ELOA: variants seen among roughly 807,000 people sequenced by gnomAD.
ELOA encodes the protein elongin-A.
In ELOA, 15 loss-of-function variants were observed where a neutral mutation model predicts 85.2. That is an observed-to-expected ratio of 0.18 (90% CI 0.12 to 0.27). The LOEUF is 0.27. Ranked by LOEUF, ELOA falls within the 10% of genes least tolerant of loss-of-function variation. ELOA has a pLI of 1.00. For missense variants in ELOA, 769 were observed against 952.7 expected, an observed-to-expected ratio of 0.81 and a Z score of 2.54; for synonymous variants, 348 against 357.2, an observed-to-expected ratio of 0.97 and a Z score of 0.29.
chr1:23,751,954 C>G lies in ELOA; in HGVS notation c.1349C>G (p.Ser450Ter). ...AAAAGCACTGGTAAAAACTTGGACT[C>G]AGTTCAGAAATTACCCAAGGTGAAC... is the stretch of plus-strand genomic sequence containing the variant. ...DSKSTGKNLD[S>*]VQKLPKVNKT... Residue 450 changes from serine (S) to a stop codon, truncating the protein, a stop_gained, in exon 4 of 11, where the codon TCA becomes TGA. Coordinates refer to ENST00000613537, the MANE Select transcript of ELOA (RefSeq NM_003198.3). LOFTEE classifies it high-confidence loss of function. The G allele has an allele frequency of 6.2e-7, 1 of 1,613,174 alleles. No individual in the cohort carries two copies. Among genetic ancestry groups the G allele is most frequent in the Non-Finnish European group, 8.5e-7 (1 of 1,179,830 alleles).
rs143191271 is a variant in ELOA at position 23,748,127 on chromosome 1, G to C, written c.76-894G>C. Among the ~76,000 whole-genome samples, 171 of 152,316 alleles carry C rather than the reference G, an allele frequency of 1.1e-3. 1 individual carries two copies. Among genetic ancestry groups the C allele is most frequent in the African/African-American group, 3.3e-3 (138 of 41,568 alleles). On this transcript the variant is annotated intron_variant, in intron 1 of 10. Transcript: ENST00000613537. ...AAGGGCAGAACGCTGAAAGCTGTCA[G>C]TCGATGAATGAAATGATAAGTATTT...
Position 23,751,156 on chromosome 1 carries a change from C to T in ELOA, c.551C>T (p.Thr184Ile). The change falls in exon 4 of 11, where the codon ACC (threonine) becomes ATC (isoleucine). Residue 184 changes from threonine (T) to isoleucine (I), a missense_variant. Thr to Ile is a moderately conservative substitution (Grantham distance 89). Coordinates refer to ENST00000613537, the MANE Select transcript of ELOA (RefSeq NM_003198.3). ...CATGTTCAATCCCCTCCATCTTGTACCAGTCCTCATCAGATGTACGTCGAC... is the reference window on the plus strand; with the variant it reads ...CATGTTCAATCCCCTCCATCTTGTATCAGTCCTCATCAGATGTACGTCGAC... Reference protein sequence around the residue: ...YGHVQSPPSCTSPHQMYVDHY... With the variant: ...YGHVQSPPSCISPHQMYVDHY... 1 of 1,614,124 alleles carries T rather than the reference C, an allele frequency of 6.2e-7. No individual in the cohort carries two copies. The highest frequency in any genetic ancestry group is 8.5e-7 in the Non-Finnish European group (1 of 1,180,038).
intron 1 of ELOA, 32 bp downstream of exon 1, chr1:23,743,610 G>A: frequency 6.8e-7 from 1 of 1,465,134 alleles, no homozygotes; most frequent in Non-Finnish European, 9.0e-7. Context: ...AGCGGGATGG[G>A]CGTTGGGTCG....
Position 23,759,799 on chromosome 1 carries a change from C to T in ELOA, c.*226C>T. The T allele has an allele frequency of 3.6e-6, 2 of 550,728 alleles. No homozygotes were observed. The highest frequency in any genetic ancestry group is 6.5e-6 in the Non-Finnish European group (2 of 308,902). 34.1% of individuals were successfully genotyped at this position (550,728 alleles called of 1,614,324 possible). A position where few individuals can be genotyped will look rare whatever the true frequency, so the allele number is the denominator to read the frequency against. ...CTGAAGATGTGAAGCCTCTGTCTCA[C>T]TGAGGATTTTAAAGGTCAATTATAC... On this transcript the variant is annotated 3_prime_UTR_variant, in exon 11 of 11. Coordinates refer to ENST00000613537, the MANE Select transcript of ELOA (RefSeq NM_003198.3).
intron 10 of ELOA, among the ~76,000 whole-genome samples, chr1:23,757,735 G>A (rs940129126): frequency 4.0e-5 from 6 of 151,136 alleles, no homozygotes; most frequent in East Asian, 1.9e-4. Flanking sequence ...TCCTGACCTC[G>A]CGATCTGCCC....
intron 10 of ELOA, among the ~76,000 whole-genome samples, chr1:23,757,790 G>A (rs1012898606): frequency 5.4e-5 from 8 of 149,476 alleles, no homozygotes; most frequent in Non-Finnish European, 1.2e-4. Flanking sequence ...GAGCCACTGT[G>A]CCCGGCCGAC....
At chr1:23,748,392 C>T (rs1033575624) in intron 1 of ELOA, among the ~76,000 whole-genome samples, 24 of 152,262 alleles carry the variant, frequency 1.6e-4, no homozygotes, top group African/African-American at 5.5e-4. Flanking sequence ...TGATTTTGAC[C>T]TAGTTTTAGG....
At chr1:23,754,541 G>A (rs956750416) in intron 7 of ELOA, 81 bp downstream of exon 7, 35 of 1,099,932 alleles carry the variant, frequency 3.2e-5, no homozygotes, top group Middle Eastern at 2.5e-4. Context: ...TGACTCCGCT[G>A]TGGCTGAAGG....
At chr1:23,750,095 A>G in intron 3 of ELOA, 147 bp downstream of exon 3, 2 of 550,338 alleles carry the variant, frequency 3.6e-6, no homozygotes, top group Non-Finnish European at 6.0e-6. Flanking sequence ...AATATTAGAA[A>G]ATATTAAAAA....
intron 10 of ELOA, among the ~76,000 whole-genome samples, chr1:23,758,976 G>A (rs553857295): frequency 6.6e-6 from 1 of 152,262 alleles, no homozygotes; most frequent in South Asian, 2.1e-4. Context: ...GGAGGCTGGG[G>A]TAGGAGGGTG....
At chr1:23,746,333 C>T (rs1295639213) in intron 1 of ELOA, among the ~76,000 whole-genome samples, 5 of 141,394 alleles carry the variant, frequency 3.5e-5, no homozygotes, top group Admixed American at 2.2e-4. Flanking sequence ...GTTGGCCGGG[C>T]GCAGTGGCTC....
At chr1:23,750,780 C>A in intron 3 of ELOA, 65 bp from the exon 4 acceptor site, 1 of 1,436,490 alleles carries the variant, frequency 7.0e-7, no homozygotes, top group Non-Finnish European at 9.3e-7. Context: ...AGTTCAGATT[C>A]TGTGACTTTG....
chr1:23,752,579 G>C (rs531946288), intron 5 of ELOA, 61 bp downstream of exon 5: 31 of 1,492,170 alleles, frequency 2.1e-5, no homozygotes, highest in Non-Finnish European at 2.7e-5. Context: ...ATTCAAGGCA[G>C]GGTACAGTGG....
intron 10 of ELOA, among the ~76,000 whole-genome samples, chr1:23,757,529 C>A (rs376527645): frequency 6.6e-6 from 1 of 152,138 alleles, no homozygotes; most frequent in African/African-American, 2.4e-5. Flanking sequence ...GATGGAGTCT[C>A]GCTCTGTCAC....
At chr1:23,757,894 A>C (rs941998408) in intron 10 of ELOA, among the ~76,000 whole-genome samples, 1 of 151,886 alleles carries the variant, frequency 6.6e-6, no homozygotes, top group Non-Finnish European at 1.5e-5. Flanking sequence ...TAGAAAAATT[A>C]GCCCACCATG....
Position 23,755,829 on chromosome 1 carries a change from G to C in ELOA, c.1792-14G>C. On this transcript the variant is annotated splice_polypyrimidine_tract_variant and intron_variant, in intron 7 of 10. Coordinates refer to ENST00000613537, the MANE Select transcript of ELOA (RefSeq NM_003198.3). Reference sequence around the variant, plus strand: ...AGTGCTTGTACACAAATGATGTCCTGGTTCTGGTTTCAGGTATTAATTGAA... The same window carrying C: ...AGTGCTTGTACACAAATGATGTCCTCGTTCTGGTTTCAGGTATTAATTGAA... 2 of 1,583,420 alleles carry C rather than the reference G, an allele frequency of 1.3e-6. No homozygotes were observed. Among genetic ancestry groups the C allele is most frequent in the South Asian group, 1.1e-5 (1 of 88,116 alleles).
intron 1 of ELOA, among the ~76,000 whole-genome samples, chr1:23,744,780 T>C (rs1644739314): frequency 6.6e-6 from 1 of 152,178 alleles, no homozygotes; most frequent in Non-Finnish European, 1.5e-5. Context: ...TTCTAGGAGT[T>C]GGAACTCAGT....
chr1:23,749,751 G>T, intron 2 of ELOA, 91 bp from the exon 3 acceptor site: 3 of 1,094,250 alleles, frequency 2.7e-6, no homozygotes, highest in Non-Finnish European at 4.0e-6. Context: ...AGTATTGCTT[G>T]TTGAGTTTCT....
chr1:23,753,121 G>A lies in ELOA; in HGVS notation c.1537+603G>A, dbSNP rs1644779871. Among the ~76,000 whole-genome samples, 4 of 152,282 alleles carry A rather than the reference G, an allele frequency of 2.6e-5. No homozygotes were observed. The South Asian group carries it at 8.3e-4, about 32-fold the overall frequency. ...GCTCTGATTGCATCACTGCACTCTA[G>A]CTTGGGTGACAGAGCAAGACTGTTT... On this transcript the variant is annotated intron_variant, in intron 5 of 10. Coordinates refer to ENST00000613537, the MANE Select transcript of ELOA (RefSeq NM_003198.3).
Sources: gnomAD v4.1 joint callset for allele counts (sites outside exome capture counted in the v4.1 genomes callset) on GRCh38, gnomAD v4.1.1 for gene constraint, MANE v1.5 for transcripts, NCBI Gene and HGNC (gene_info 2026-07-23, HGNC 2026-07-21) for gene names.